Variants in LRCH2 observed in about 807,000 individuals in gnomAD.
The protein encoded by LRCH2 is leucine-rich repeat and calponin homology domain-containing protein 2.
LRCH2 carries 38 observed loss-of-function variants against 68.9 expected under a neutral mutation model. The ratio of observed to expected loss-of-function variants is 0.55; its 90% CI spans 0.43 to 0.72. The LOEUF (loss-of-function observed/expected upper bound fraction) is 0.72. Ranked by LOEUF, LRCH2 falls within the 30% of genes least tolerant of loss-of-function variation. LRCH2 has a pLI of 0.00. For missense variants in LRCH2, 528 were observed against 572.9 expected, an observed-to-expected ratio of 0.92 and a Z score of 0.80; for synonymous variants, 191 against 208.1, an observed-to-expected ratio of 0.92 and a Z score of 0.71.
rs73580133 is a variant in LRCH2 at position 115,191,048 on chromosome X, G to T, written c.350-2678C>A. The T allele has an allele frequency of 3.4e-4, 397 of 1,164,244 alleles. 1 individual carries two copies. The African/African-American group carries it at 6.6e-3, about 19-fold the overall frequency. On this transcript the variant is annotated intron_variant, in intron 1 of 20. Coordinates refer to ENST00000317135, the MANE Select transcript of LRCH2 (RefSeq NM_020871.4). Reference sequence around the variant, plus strand: ...GACACCCACAGTGGGGGCCACAGCAGTTCCAGCAACAGTTACGGCCAGAGC... The same window carrying T: ...GACACCCACAGTGGGGGCCACAGCATTTCCAGCAACAGTTACGGCCAGAGC...
intron 2 of LRCH2, among the ~76,000 whole-genome samples, chrX:115,187,204 T>C (rs1164322502): frequency 1.8e-5 from 2 of 111,743 alleles, no homozygotes; most frequent in Non-Finnish European, 3.8e-5. Flanking sequence ...GGGGGAGTCA[T>C]ACAAAAGAAC....
intron 1 of LRCH2, among the ~76,000 whole-genome samples, chrX:115,197,800 G>A (rs1181102086): frequency 2.8e-5 from 2 of 71,678 alleles, no homozygotes; most frequent in Non-Finnish European, 5.1e-5. Flanking sequence ...CTACACTCCA[G>A]CCTGGGCAAC....
In LRCH2 at chrX:115,134,959, G is replaced by A. The variant is rs2072276035; in HGVS notation, c.1696-4760C>T. ...TTAAGAACATTTATAATTCATGAGA[G>A]GAGGTCAAAATGTCAACATTAACGA... On this transcript the variant is annotated intron_variant, in intron 14 of 20. Transcript: ENST00000317135. Among the ~76,000 whole-genome samples the A allele has an allele frequency of 3.6e-5, 4 of 111,046 alleles. No individual in the cohort carries two copies. In the South Asian group the frequency reaches 1.5e-3, roughly 42 times the overall value.
chrX:115,129,983 GATTAA>G (rs1737755784), intron 15 of LRCH2, among the ~76,000 whole-genome samples, 167 bp downstream of exon 15: 1 of 110,568 alleles, frequency 9.0e-6, no homozygotes, highest in South Asian at 3.8e-4. Context: ...GAAATTAAAT[GATTAA>G]ATTAATAATT....
At chrX:115,233,389 A>C (rs2073165250) in intron 1 of LRCH2, among the ~76,000 whole-genome samples, 1 of 111,975 alleles carries the variant, frequency 8.9e-6, no homozygotes, top group African/African-American at 3.2e-5. Context: ...AGTTGAAAGA[A>C]GTGCATTAAG....
intron 3 of LRCH2, among the ~76,000 whole-genome samples, chrX:115,182,631 AG>A (rs782567638): frequency 1.9e-3 from 205 of 109,404 alleles, no homozygotes; most frequent in African/African-American, 6.7e-3. Context: ...CAGGAGTTCA[AG>A]ATCAGCCTGG....
chrX:115,175,745 C>T (rs1556550012), intron 5 of LRCH2, among the ~76,000 whole-genome samples: 1 of 112,158 alleles, frequency 8.9e-6, no homozygotes, highest in East Asian at 2.8e-4. Context: ...GGAACATCCC[C>T]TCTCCACCCC....
At chrX:115,129,684 A>G (rs377676281) in intron 15 of LRCH2, among the ~76,000 whole-genome samples, 1 of 112,041 alleles carries the variant, frequency 8.9e-6, no homozygotes. Context: ...ATGAGAATAT[A>G]TCTTTTCAAC....
intron 20 of LRCH2, among the ~76,000 whole-genome samples, chrX:115,122,277 G>A (rs1262232324): frequency 1.8e-5 from 2 of 109,393 alleles, no homozygotes; most frequent in African/African-American, 3.3e-5. Flanking sequence ...TATGGCCACC[G>A]AGTTATGTTT....
chrX:115,226,441 T>C (rs781825595), intron 1 of LRCH2, among the ~76,000 whole-genome samples: 7 of 111,362 alleles, frequency 6.3e-5, no homozygotes, highest in Non-Finnish European at 1.3e-4. Context: ...TAGTAACACA[T>C]GACAATCAGA....
intron 1 of LRCH2, among the ~76,000 whole-genome samples, chrX:115,211,767 C>CCG (rs2073009164): frequency 1.8e-5 from 2 of 111,157 alleles, no homozygotes; most frequent in Admixed American, 9.6e-5. Context: ...ACACACCCCC[C>CCG]CAAGATTGCT....
chrX:115,151,797 C>A (rs968942390), intron 12 of LRCH2, among the ~76,000 whole-genome samples: 2 of 111,179 alleles, frequency 1.8e-5, no homozygotes, highest in African/African-American at 6.5e-5. Flanking sequence ...AATCCCATAA[C>A]TGAGCCAAGT....
intron 1 of LRCH2, among the ~76,000 whole-genome samples, chrX:115,215,067 A>G (rs1193184835): frequency 8.9e-6 from 1 of 112,525 alleles, no homozygotes; most frequent in East Asian, 2.8e-4. Context: ...TTAAATGGCT[A>G]TTGAATAACT....
chrX:115,203,959 G>A (rs956366658), intron 1 of LRCH2, among the ~76,000 whole-genome samples: 12 of 112,681 alleles, frequency 1.1e-4, no homozygotes, highest in South Asian at 3.6e-4. Flanking sequence ...CCTAGTAGAG[G>A]TTACCCATGA....
At chrX:115,176,762 T>C (rs1162666492) in intron 5 of LRCH2, among the ~76,000 whole-genome samples, 1 of 107,599 alleles carries the variant, frequency 9.3e-6, no homozygotes, top group Admixed American at 1.0e-4. Flanking sequence ...TTTTTTTTTT[T>C]TTGAGACAGA....
At chrX:115,145,328 C>T (rs1603037504) in intron 14 of LRCH2, among the ~76,000 whole-genome samples, 2 of 111,540 alleles carry the variant, frequency 1.8e-5, no homozygotes, top group Non-Finnish European at 3.8e-5. Context: ...TCTAAGACTT[C>T]AATCTATAAA....
chrX:115,189,486 C>T (rs782388891), intron 1 of LRCH2: 3 of 1,179,883 alleles, frequency 2.5e-6, no homozygotes, highest in African/African-American at 3.5e-5. Flanking sequence ...TTGGGGGCCT[C>T]AACCTCAAAA....
chrX:115,116,616 C>T (rs368092444), intron 20 of LRCH2, among the ~76,000 whole-genome samples: 1 of 111,036 alleles, frequency 9.0e-6, no homozygotes, highest in East Asian at 2.8e-4. Context: ...TGTGATTATG[C>T]TAAAAACCAT....
rs1377878868 is a variant in LRCH2, at chrX:115,111,967, C to G, written c.*1249G>C. 8.9e-6 allele frequency: 1 copy of G among 112,183 alleles called. No individual in the cohort carries two copies. The highest frequency in any genetic ancestry group is 1.9e-5 in the Non-Finnish European group (1 of 53,086). The allele number at this position is 112,183 out of a possible 1,213,427, so 9.2% of individuals were successfully genotyped here. Reference sequence around the variant, plus strand: ...CTATAGGAAACTCAGTTATTCATTACAGTAATGTTTTTGAAAAATTCCTGC... The same window carrying G: ...CTATAGGAAACTCAGTTATTCATTAGAGTAATGTTTTTGAAAAATTCCTGC... On this transcript the variant is annotated 3_prime_UTR_variant, in exon 21 of 21. Transcript: ENST00000317135.
Sources: allele counts gnomAD v4.1 joint callset (sites outside exome capture counted in the v4.1 genomes callset), GRCh38; gene constraint gnomAD v4.1.1; transcripts MANE v1.5; gene names NCBI Gene and HGNC (gene_info 2026-07-23, HGNC 2026-07-21).